Variants in DPP6 observed in about 807,000 individuals in gnomAD.
The protein encoded by DPP6 is A-type potassium channel modulatory protein DPP6.
In DPP6, 69 loss-of-function variants were observed where a neutral mutation model predicts 122.6. The ratio of observed to expected loss-of-function variants is 0.56; its 90% confidence interval spans 0.46 to 0.69. DPP6 has a LOEUF of 0.69. Among genes scored for constraint, DPP6 ranks in the 30% least tolerant of loss-of-function variants. The pLI, the probability that DPP6 is intolerant of heterozygous loss-of-function variation, is 0.00. For synonymous variants in DPP6, 418 were observed against 433.1 expected, an observed-to-expected ratio of 0.97 and a Z score of 0.43; for missense variants, 928 against 1,116.9, an observed-to-expected ratio of 0.83 and a Z score of 2.41.
intron 1 of DPP6, among the ~76,000 whole-genome samples, chr7:154,289,436 A>C (rs1050323474): frequency 5.9e-5 from 9 of 152,308 alleles, no homozygotes; most frequent in African/African-American, 2.2e-4. Context: ...CATTGAATCC[A>C]GGGTGAAAGT....
intron 1 of DPP6, among the ~76,000 whole-genome samples, chr7:154,161,513 CA>C (rs1183833976): frequency 6.7e-6 from 1 of 148,850 alleles, no homozygotes. Context: ...CAAAACAAAA[CA>C]AAAAAACACC....
intron 11 of DPP6, 119 bp from the exon 12 acceptor site, chr7:154,795,726 G>C (rs1010922904): frequency 1.4e-6 from 2 of 1,387,432 alleles, no homozygotes; most frequent in African/African-American, 2.9e-5. Context: ...CTTGTGCAGC[G>C]GCCATGTAGG....
chr7:154,609,511 C>G (rs966435779), intron 5 of DPP6, among the ~76,000 whole-genome samples: 6 of 152,238 alleles, frequency 3.9e-5, no homozygotes, highest in African/African-American at 1.4e-4. Flanking sequence ...AATACACTAT[C>G]TTATACTCTC....
intron 17 of DPP6, among the ~76,000 whole-genome samples, chr7:154,866,503 T>C (rs186908116): frequency 1.8e-4 from 28 of 152,340 alleles, no homozygotes; most frequent in Admixed American, 3.9e-4. Context: ...GCCAAGTCTC[T>C]GGGTCTCAGA....
At chr7:154,080,085 C>T (rs934305407) in intron 1 of DPP6, among the ~76,000 whole-genome samples, 3 of 150,860 alleles carry the variant, frequency 2.0e-5, no homozygotes, top group African/African-American at 7.3e-5. Context: ...CATCAGAAGC[C>T]GGAAGTGGAA....
chr7:154,283,499 C>T (rs1458134795), intron 1 of DPP6, among the ~76,000 whole-genome samples: 4 of 152,092 alleles, frequency 2.6e-5, no homozygotes, highest in African/African-American at 9.7e-5. Flanking sequence ...TGATGAGTAC[C>T]TGTAAAGGCT....
intron 4 of DPP6, among the ~76,000 whole-genome samples, chr7:154,566,165 T>G (rs1427774584): frequency 3.9e-5 from 6 of 152,368 alleles, no homozygotes; most frequent in Non-Finnish European, 7.3e-5. Flanking sequence ...GTAACAACTC[T>G]GCTTATTATA....
chr7:153,863,183 G>A, the DPP6 span, among the ~76,000 whole-genome samples: 47 of 152,208 alleles, frequency 3.1e-4, no homozygotes, highest in Non-Finnish European at 5.7e-4. Flanking sequence ...TTTCATCAAA[G>A]CATAGCAAAA....
At chr7:154,454,110 TTC>T (rs1361811414) in intron 2 of DPP6, among the ~76,000 whole-genome samples, 1 of 152,222 alleles carries the variant, frequency 6.6e-6, no homozygotes, top group African/African-American at 2.4e-5. Flanking sequence ...TCTTGTTATA[TTC>T]CATCTACTAA....
rs929102643 is a variant in DPP6 at position 154,821,602 on chromosome 7, AAT to A, written c.1666+14505_1666+14506del. The stretch of plus-strand genomic sequence containing the variant: ...CAGTTTTCAAATGAAATGTTAAGTG[AAT>A]ATATATATATATATTTTTTTTCTGT... On this transcript the variant is annotated intron_variant, in intron 16 of 25. Coordinates refer to ENST00000377770, the MANE Select transcript of DPP6 (RefSeq NM_130797.4). The surrounding 1 kb of genome is among the most constrained non-coding windows in gnomAD (Gnocchi z 4.2). Among the ~76,000 whole-genome samples the A allele has an allele frequency of 0.042, 2,871 of 68,222 alleles. 98 individuals carry two copies. Among genetic ancestry groups the A allele is most frequent in the African/African-American group, 0.11 (2,592 of 22,682 alleles). The allele number at this position is 68,222 out of a possible 152,430, so 44.8% of individuals were successfully genotyped here. A position where few individuals can be genotyped will look rare whatever the true frequency, so the allele number is the denominator to read the frequency against.
intron 1 of DPP6, among the ~76,000 whole-genome samples, chr7:154,139,186 C>T (rs1795724455): frequency 6.6e-6 from 1 of 150,804 alleles, no homozygotes; most frequent in Non-Finnish European, 1.5e-5. Flanking sequence ...GAGTCGCATG[C>T]AGGCCATCTG....
At chr7:153,985,398 C>G (rs1217917527) in intron 1 of DPP6, among the ~76,000 whole-genome samples, 1 of 152,210 alleles carries the variant, frequency 6.6e-6, no homozygotes, top group Non-Finnish European at 1.5e-5. Flanking sequence ...GCTTTACTCA[C>G]AGTGGGACCA....
chr7:153,970,930 G>A (rs1795987703), intron 1 of DPP6, among the ~76,000 whole-genome samples: 1 of 152,076 alleles, frequency 6.6e-6, no homozygotes, highest in Non-Finnish European at 1.5e-5. Context: ...TAAGTCTTCA[G>A]ATTTTCTTCC....
chr7:154,227,816 C>G (rs916084132), intron 1 of DPP6, among the ~76,000 whole-genome samples: 9 of 152,060 alleles, frequency 5.9e-5, no homozygotes, highest in Non-Finnish European at 1.0e-4. Context: ...GGGTGGAAAC[C>G]CCTGCTATTT....
chr7:154,671,850 C>T (rs1244148544), intron 7 of DPP6, among the ~76,000 whole-genome samples: 1 of 79,022 alleles, frequency 1.3e-5, no homozygotes, highest in Non-Finnish European at 2.5e-5. Flanking sequence ...TGACACCTCC[C>T]CCAACACACA....
rs1429135065 is a variant in DPP6 at position 154,008,916 on chromosome 7, C to T, written c.51+121182C>T. Among the ~76,000 whole-genome samples, 379 of 149,560 alleles carry T rather than the reference C, an allele frequency of 2.5e-3. 7 individuals carry two copies. Among genetic ancestry groups the T allele is most frequent in the Admixed American group, 0.013 (198 of 15,038 alleles). On this transcript the variant is annotated intron_variant, in intron 1 of 25. Transcript: ENST00000404039. ...TCCTGACCTCGTGATCCGCCCGCCT[C>T]GGCCTCCCAAAGTGCTGGGATTACA... is the stretch of plus-strand genomic sequence containing the variant.
upstream of DPP6, among the ~76,000 whole-genome samples, chr7:153,883,640 A>C (rs1798815919): frequency 6.6e-6 from 1 of 152,202 alleles, no homozygotes. Context: ...TCGGCCTCCC[A>C]AAGTGCTGGG....
At chr7:154,141,718 C>T (rs1228029023) in intron 1 of DPP6, among the ~76,000 whole-genome samples, 2 of 152,154 alleles carry the variant, frequency 1.3e-5, no homozygotes, top group African/African-American at 4.8e-5. Context: ...TACAGTTGTA[C>T]CTAGCATGCA....
At chr7:154,678,730 T>A (rs781618065) in intron 7 of DPP6, among the ~76,000 whole-genome samples, 8 of 152,140 alleles carry the variant, frequency 5.3e-5, no homozygotes, top group Non-Finnish European at 1.0e-4. Context: ...TCTTAAAGGG[T>A]CATTAGTAAC....
Sources: allele counts gnomAD v4.1 joint callset (sites outside exome capture counted in the v4.1 genomes callset), GRCh38; gene constraint gnomAD v4.1.1; non-coding constraint Gnocchi (gnomAD v3.1); transcripts MANE v1.5; gene names NCBI Gene and HGNC (gene_info 2026-07-23, HGNC 2026-07-21).